The following SPON1 variants were observed in gnomAD, a reference collection of about 807,000 sequenced individuals.
SPON1 encodes the protein spondin 1, also known as spondin-1.
SPON1 carries 52 observed loss-of-function variants against 111.7 expected under a neutral mutation model. That is an observed-to-expected ratio of 0.47 (90% CI 0.37 to 0.59). SPON1 has a LOEUF of 0.59. SPON1 is among the 20% of genes least tolerant of loss of function. SPON1 has a pLI of 0.00. For missense variants in SPON1, 957 were observed against 1,068.5 expected, an observed-to-expected ratio of 0.90 and a Z score of 1.46; for synonymous variants, 410 against 395.8, an observed-to-expected ratio of 1.04 and a Z score of -0.43.
chr11:14,254,735 TGTGTGTGC>T lies in SPON1; in HGVS notation c.1092+7_1092+14del, dbSNP rs1591428588. ...ACAGCGGGGTGACCTATGAGGTGTGTGTGTGTGCCTGGAGTGGTGAGTGGCTCCTTGCC... is the reference window on the plus strand; with the variant it reads ...ACAGCGGGGTGACCTATGAGGTGTGTCTGGAGTGGTGAGTGGCTCCTTGCC... On this transcript the variant is annotated splice_region_variant and intron_variant, in intron 8 of 15. Coordinates refer to ENST00000576479, the MANE Select transcript of SPON1 (RefSeq NM_006108.4). 3.1e-6 allele frequency: 5 copies of T among 1,613,018 alleles called. No homozygotes were observed. The highest frequency in any genetic ancestry group is 4.2e-6 in the Non-Finnish European group (5 of 1,179,754).
rs868936002 is a variant in SPON1, at chr11:14,160,573, A to T, written c.825+25005A>T. On this transcript the variant is annotated intron_variant, in intron 6 of 15. Coordinates refer to ENST00000576479, the MANE Select transcript of SPON1 (RefSeq NM_006108.4). ...TATATATATATTTATATATATATTT[A>T]TATATATATTTACATATATATATTT... 4.9e-4 allele frequency among the ~76,000 whole-genome samples: 12 copies of T among 24,722 alleles called. 1 individual carries two copies. The highest frequency in any genetic ancestry group is 2.1e-3 in the South Asian group (1 of 470). The allele number at this position is 24,722 out of a possible 152,430, so 16.2% of individuals were successfully genotyped here.
chr11:14,139,991 A>T lies in SPON1; in HGVS notation c.825+4423A>T, dbSNP rs142416658. 5.4e-3 allele frequency among the ~76,000 whole-genome samples: 824 copies of T among 152,322 alleles called. 3 individuals carry two copies. The highest frequency in any genetic ancestry group is 0.014 in the Middle Eastern group (4 of 294). On this transcript the variant is annotated intron_variant, in intron 6 of 15. Coordinates refer to ENST00000576479, the MANE Select transcript of SPON1 (RefSeq NM_006108.4). ...GATAGTGAGGGGATTGTGGCACAAA[A>T]GGAGGCTGGAGAGTTGAATGCCGGA...
intron 6 of SPON1, among the ~76,000 whole-genome samples, chr11:14,172,829 C>A (rs529792420): frequency 2.0e-5 from 3 of 151,994 alleles, no homozygotes; most frequent in South Asian, 4.1e-4. Context: ...CCCCCACTCT[C>A]TTCTGGCTTG....
chr11:14,068,999 T>C (rs1404422102), intron 3 of SPON1, among the ~76,000 whole-genome samples: 1 of 152,238 alleles, frequency 6.6e-6, no homozygotes, highest in Non-Finnish European at 1.5e-5. Flanking sequence ...AGTGTCACCA[T>C]TGGGAGAAAC....
rs1198486570 is a variant in SPON1, at chr11:13,962,865, G to A, written c.-40G>A. 5.7e-6 allele frequency: 8 copies of A among 1,412,848 alleles called. No individual in the cohort carries two copies. In the East Asian group the frequency reaches 1.1e-4, roughly 20 times the overall value. 87.5% of individuals were successfully genotyped at this position (1,412,848 alleles called of 1,614,324 possible). ...CCACTTCGGGCAGGAGTCGCGTGGC[G>A]AAGGCCTGCGGCCGCGGCACAAAGT... On this transcript the variant is annotated 5_prime_UTR_variant, in exon 1 of 16. Transcript: ENST00000576479.
intron 2 of SPON1, among the ~76,000 whole-genome samples, chr11:14,031,941 A>G (rs1848562129): frequency 6.6e-6 from 1 of 152,204 alleles, no homozygotes; most frequent in Non-Finnish European, 1.5e-5. Context: ...TTCAGCAATA[A>G]TAAACTACAT....
At chr11:14,171,541 A>G (rs1848100529) in intron 6 of SPON1, among the ~76,000 whole-genome samples, 2 of 151,996 alleles carry the variant, frequency 1.3e-5, no homozygotes, top group Non-Finnish European at 2.9e-5. Context: ...TAGCTTTTGA[A>G]TGTGTTTGCT....
intron 6 of SPON1, among the ~76,000 whole-genome samples, chr11:14,234,552 A>G (rs1236944926): frequency 6.6e-6 from 1 of 152,260 alleles, no homozygotes; most frequent in Non-Finnish European, 1.5e-5. Context: ...TTCAGTTACC[A>G]AAGGACAAGC....
At chr11:14,114,786 C>T (rs1591379337) in intron 5 of SPON1, among the ~76,000 whole-genome samples, 2 of 152,286 alleles carry the variant, frequency 1.3e-5, no homozygotes, top group East Asian at 1.9e-4. Flanking sequence ...CCTGTCCTCA[C>T]GTTTAATCCC....
intron 2 of SPON1, among the ~76,000 whole-genome samples, chr11:13,985,550 C>G (rs1219433403): frequency 1.3e-5 from 2 of 152,168 alleles, no homozygotes; most frequent in Non-Finnish European, 2.9e-5. Flanking sequence ...GGGTACCTGC[C>G]TGTGACCACT....
At chr11:14,113,628 A>T in intron 5 of SPON1, among the ~76,000 whole-genome samples, 1 of 92,398 alleles carries the variant, frequency 1.1e-5, no homozygotes. Context: ...TTTGAGACGG[A>T]GTCTCGCTCT....
At chr11:14,110,624 C>G (rs1554925364) in intron 5 of SPON1, among the ~76,000 whole-genome samples, 2 of 152,196 alleles carry the variant, frequency 1.3e-5, no homozygotes, top group African/African-American at 4.8e-5. Context: ...AGCCCTCATT[C>G]TGAGGTCAAA....
At chr11:14,085,614 T>C (rs1367089091) in intron 5 of SPON1, among the ~76,000 whole-genome samples, 1 of 152,230 alleles carries the variant, frequency 6.6e-6, no homozygotes, top group Non-Finnish European at 1.5e-5. Context: ...TTGCTTAGGA[T>C]TGTCTTGGCT....
intron 2 of SPON1, among the ~76,000 whole-genome samples, chr11:14,025,005 G>C (rs1467713164): frequency 6.6e-6 from 1 of 152,224 alleles, no homozygotes; most frequent in African/African-American, 2.4e-5. Context: ...AGTGACTTGG[G>C]CAAAGCCACA....
At chr11:14,163,097 T>C (rs1847986452) in intron 6 of SPON1, among the ~76,000 whole-genome samples, 1 of 152,220 alleles carries the variant, frequency 6.6e-6, no homozygotes, top group Admixed American at 6.5e-5. Flanking sequence ...AGATAGCTTC[T>C]TCCAATCTAA....
chr11:13,991,648 T>A (rs1848231419), intron 2 of SPON1, among the ~76,000 whole-genome samples: 2 of 152,258 alleles, frequency 1.3e-5, no homozygotes, highest in Admixed American at 1.3e-4. Flanking sequence ...CTTTGTAGGA[T>A]AAGCGGCATT....
intron 6 of SPON1, among the ~76,000 whole-genome samples, chr11:14,167,211 G>A (rs1045968164): frequency 2.6e-5 from 4 of 152,020 alleles, no homozygotes; most frequent in Non-Finnish European, 5.9e-5. Flanking sequence ...TAAGCCAAAT[G>A]TCATTACTGG....
chr11:14,026,590 C>T (rs1848519932), intron 2 of SPON1, among the ~76,000 whole-genome samples: 1 of 152,100 alleles, frequency 6.6e-6, no homozygotes, highest in Non-Finnish European at 1.5e-5. Context: ...GTGGGGGAAA[C>T]GGGGTGCACA....
intron 1 of SPON1, among the ~76,000 whole-genome samples, chr11:13,978,413 G>GCACT (rs1466711168): frequency 6.6e-6 from 1 of 152,126 alleles, no homozygotes; most frequent in African/African-American, 2.4e-5. Flanking sequence ...CGTCAACTCC[G>GCACT]CACTGGTCAC....
Sources: allele counts gnomAD v4.1 joint callset (sites outside exome capture counted in the v4.1 genomes callset), GRCh38; gene constraint gnomAD v4.1.1; transcripts MANE v1.5; gene names NCBI Gene and HGNC (gene_info 2026-07-23, HGNC 2026-07-21).